The following MIS18BP1 variants were observed in gnomAD, a reference collection of about 807,000 sequenced individuals.
MIS18BP1 encodes MIS18 binding protein 1.
Under a neutral mutation model 116.1 loss-of-function variants are expected in MIS18BP1, and 72 were observed. The observed-to-expected ratio is 0.62, with a 90% CI of 0.51 to 0.75. The LOEUF (loss-of-function observed/expected upper bound fraction) is 0.75, where lower values mean the gene tolerates loss of function less well. MIS18BP1 is among the 30% of genes least tolerant of loss of function. The pLI is 0.00. For missense variants in MIS18BP1, 1,363 were observed against 1,303.2 expected (o/e 1.05, Z -0.71); for synonymous variants, 386 against 427.0 (o/e 0.90, Z 1.18).
At chr14:45,242,905 G>A (rs373441936) in intron 2 of MIS18BP1, 31 bp from the exon 3 acceptor site, 8 of 1,441,210 alleles carry the variant, frequency 5.6e-6, no homozygotes, top group Admixed American at 2.1e-5. Context: ...GAAAGAAGAA[G>A]TTGAATTGTA....
At chr14:45,209,173 T>TACAC (rs141735848) in intron 14 of MIS18BP1, among the ~76,000 whole-genome samples, 54 of 150,644 alleles carry the variant, frequency 3.6e-4, no homozygotes, top group Middle Eastern at 3.4e-3. Flanking sequence ...AAAGCAATTA[T>TACAC]ACACACACAC....
At position 45,204,126 on chromosome 14, in the gene MIS18BP1, T is replaced by A; in HGVS notation, c.3382A>T (p.Asn1128Tyr). The A allele has an allele frequency of 6.2e-7, 1 of 1,609,654 alleles. No individual in the cohort carries two copies. The highest frequency in any genetic ancestry group is 8.5e-7 in the Non-Finnish European group (1 of 1,178,472). ...DEEEKDYYFS[N>Y]SDSA is the part of the protein sequence containing the mutation. ...TCATTTTACTATGCAGAATCAGAGT[T>A]CGAAAAATAATAATCTTTCTCTTCT... Residue 1128 changes from asparagine to tyrosine, a missense_variant, in exon 17 of 17, where the codon AAC (asparagine) becomes TAC (tyrosine). Physicochemically the swap from Asn to Tyr is moderately radical, Grantham distance 143. Coordinates refer to ENST00000310806, the MANE Select transcript of MIS18BP1 (RefSeq NM_018353.5).
chr14:45,252,952 A>C (rs926457241), intron 1 of MIS18BP1, 83 bp downstream of exon 1: 1 of 152,266 alleles, frequency 6.6e-6, no homozygotes, highest in Non-Finnish European at 1.5e-5. Flanking sequence ...AAACCGCGTG[A>C]GCCGAGATGC....
intron 1 of MIS18BP1, among the ~76,000 whole-genome samples, chr14:45,249,429 C>T (rs1218970328): frequency 1.3e-5 from 2 of 152,064 alleles, no homozygotes; most frequent in African/African-American, 4.8e-5. Flanking sequence ...CTATGTTGCC[C>T]AGGTTAGTCT....
In MIS18BP1 at chr14:45,223,988, G is replaced by T. The variant is rs1307821961; in HGVS notation, c.2599C>A (p.Pro867Thr). Reference sequence around the variant, plus strand: ...ATTAAACCAGGTAAGCATTCTAAGGGATGCCTATTTGTCTTATCAGATCCT... The same window carrying T: ...ATTAAACCAGGTAAGCATTCTAAGGTATGCCTATTTGTCTTATCAGATCCT... ...AVGSDKTNRHPLECLPGLIQD... is the reference protein window; with the variant it reads ...AVGSDKTNRHTLECLPGLIQD... The change falls in exon 11 of 17, where the codon CCC becomes ACC. Residue 867 changes from proline to threonine, a missense_variant. Pro to Thr is a conservative substitution (Grantham distance 38). Transcript: ENST00000310806. 1 of 1,612,284 alleles carries T rather than the reference G, an allele frequency of 6.2e-7. No individual in the cohort carries two copies. The highest frequency in any genetic ancestry group is 1.1e-5 in the South Asian group (1 of 90,618).
chr14:45,231,026 G>T, intron 8 of MIS18BP1, 115 bp downstream of exon 8: 2 of 1,035,412 alleles, frequency 1.9e-6, no homozygotes, highest in Non-Finnish European at 1.3e-6. Context: ...GGCAGTATAA[G>T]TCAAAGAATA....
Position 45,224,139 on chromosome 14 carries a change from A to C in MIS18BP1, c.2448T>G (p.Ile816Met). Reference protein sequence around the residue: ...STRNTSNIPVILEPETEESEN... With the variant: ...STRNTSNIPVMLEPETEESEN... ...CACTTTCTTCAGTTTCAGGTTCCAA[A>C]ATCACTGGAATATTACTTGTGTTTC... is the stretch of plus-strand genomic sequence containing the variant. The change falls in exon 11 of 17, where the codon ATT (isoleucine) becomes ATG (methionine). Residue 816 changes from isoleucine (I) to methionine (M), a missense_variant. Ile to Met is a conservative substitution (Grantham distance 10). Coordinates refer to ENST00000310806, the MANE Select transcript of MIS18BP1 (RefSeq NM_018353.5). 1.2e-6 allele frequency: 2 copies of C among 1,613,358 alleles called. No individual in the cohort carries two copies. Among genetic ancestry groups the C allele is most frequent in the Non-Finnish European group, 1.7e-6 (2 of 1,179,888 alleles).
chr14:45,218,205 TATAAA>T, intron 12 of MIS18BP1, 72 bp downstream of exon 12: 1 of 1,401,252 alleles, frequency 7.1e-7, no homozygotes. Flanking sequence ...CATGGATAAA[TATAAA>T]ATATATCTGA....
chr14:45,208,340 T>TC (rs1409571050), intron 14 of MIS18BP1, among the ~76,000 whole-genome samples: 1 of 149,982 alleles, frequency 6.7e-6, no homozygotes. Context: ...GTTTTTTTTT[T>TC]TTTTTTTTTG....
rs941985143 is a variant in MIS18BP1, at chr14:45,203,201, C to A, written c.*908G>T. On this transcript the variant is annotated 3_prime_UTR_variant, in exon 17 of 17. Transcript: ENST00000310806. ...AAACAAGAAACAAATACTATAAAAG[C>A]AAACTAACTTTATTTGAATAATCTA... is the stretch of plus-strand genomic sequence containing the variant. 6.1e-4 allele frequency: 92 copies of A among 151,348 alleles called. No individual in the cohort carries two copies. Among genetic ancestry groups the A allele is most frequent in the African/African-American group, 2.2e-3 (90 of 41,182 alleles). The allele number at this position is 151,348 out of a possible 1,614,324, so 9.4% of individuals were successfully genotyped here.
At chr14:45,245,706 C>G (rs767475017) in intron 2 of MIS18BP1, among the ~76,000 whole-genome samples, 2 of 152,142 alleles carry the variant, frequency 1.3e-5, no homozygotes, top group African/African-American at 2.4e-5. Flanking sequence ...GCTGGAGTAC[C>G]CCAGGACCCA....
intron 8 of MIS18BP1, among the ~76,000 whole-genome samples, 181 bp downstream of exon 8, chr14:45,230,960 G>T (rs1045956483): frequency 6.6e-6 from 1 of 152,208 alleles, no homozygotes; most frequent in Non-Finnish European, 1.5e-5. Context: ...TCCTGACCAT[G>T]ATTAATCTGT....
chr14:45,216,478 A>C (rs981676680), intron 13 of MIS18BP1, among the ~76,000 whole-genome samples: 2 of 152,168 alleles, frequency 1.3e-5, no homozygotes, highest in Admixed American at 1.3e-4. Context: ...ATTTCTTCTT[A>C]TTCACACTTT....
In MIS18BP1 at chr14:45,224,473, C is replaced by A. The variant is rs769022581; in HGVS notation, c.2114G>T (p.Gly705Val). ...ATCTTCCTTGTTTTTACTTTTATGA[C>A]CTTCAAATGTATTTTCTAAAGTCCC... ...SMGTLENTFE[G>V]HKSKNKEDCD... The change falls in exon 11 of 17, where the codon GGT becomes GTT. Residue 705 changes from glycine (G) to valine (V), a missense_variant. Physicochemically the swap from Gly to Val is moderately radical, Grantham distance 109. Transcript: ENST00000310806. The A allele has an allele frequency of 3.1e-6, 5 of 1,613,698 alleles. No individual in the cohort carries two copies. In the Admixed American group the frequency reaches 5.0e-5, roughly 16 times the overall value.
At position 45,226,839 on chromosome 14, in the gene MIS18BP1, T is replaced by C; in HGVS notation, c.1747-3A>G. The C allele has an allele frequency of 7.4e-7, 1 of 1,359,738 alleles. No homozygotes were observed. Among genetic ancestry groups the C allele is most frequent in the East Asian group, 2.9e-5 (1 of 34,600 alleles). The allele number at this position is 1,359,738 out of a possible 1,614,324, so 84.2% of individuals were successfully genotyped here. Reference sequence around the variant, plus strand: ...TATTCTTTTTTTCCAATTAATTCCTTCAAAACAAAAAGATACCTAGGTTTT... The same window carrying C: ...TATTCTTTTTTTCCAATTAATTCCTCCAAAACAAAAAGATACCTAGGTTTT... On this transcript the variant is annotated splice_region_variant and splice_polypyrimidine_tract_variant and intron_variant, in intron 9 of 16. Transcript: ENST00000310806.
rs536141406 is a variant in MIS18BP1, at chr14:45,203,906, G to A, written c.*203C>T. The A allele has an allele frequency of 2.4e-4, 126 of 514,774 alleles. No homozygotes were observed. In the South Asian group the frequency reaches 5.8e-3, roughly 24 times the overall value. The allele number at this position is 514,774 out of a possible 1,614,324, so 31.9% of individuals were successfully genotyped here. The stretch of plus-strand genomic sequence containing the variant: ...AAAACAAATTTACAGATATCTACAC[G>A]AGCAAAAACAATTTTCTTTACATTT... On this transcript the variant is annotated 3_prime_UTR_variant, in exon 17 of 17. Coordinates refer to ENST00000310806, the MANE Select transcript of MIS18BP1 (RefSeq NM_018353.5).
At position 45,218,455 on chromosome 14, in the gene MIS18BP1, C is replaced by G; in HGVS notation, c.2670-1G>C. ...GTGCTTTGGAAGAGATGCAAAAGCACTATGGAAGATCAAAACCAATTAAAG... is the reference window on the plus strand; with the variant it reads ...GTGCTTTGGAAGAGATGCAAAAGCAGTATGGAAGATCAAAACCAATTAAAG... On this transcript the variant is annotated splice_acceptor_variant, in intron 11 of 16. Coordinates refer to ENST00000310806, the MANE Select transcript of MIS18BP1 (RefSeq NM_018353.5). LOFTEE classifies it high-confidence loss of function. The G allele has an allele frequency of 6.3e-7, 1 of 1,590,410 alleles. No individual in the cohort carries two copies. Among genetic ancestry groups the G allele is most frequent in the Non-Finnish European group, 8.5e-7 (1 of 1,174,004 alleles).
Position 45,246,987 on chromosome 14 carries a change from A to T in MIS18BP1, c.300T>A (p.Asp100Glu), listed in dbSNP as rs1316370611. 8.1e-6 allele frequency: 13 copies of T among 1,611,750 alleles called. No individual in the cohort carries two copies. Among genetic ancestry groups the T allele is most frequent in the Non-Finnish European group, 1.1e-5 (13 of 1,179,526 alleles). The change falls in exon 2 of 17, where the codon GAT becomes GAA. Residue 100 changes from aspartate to glutamate, a missense_variant. Asp to Glu is a conservative substitution (Grantham distance 45). Coordinates refer to ENST00000310806, the MANE Select transcript of MIS18BP1 (RefSeq NM_018353.5). ...LDISAIKPNK[D>E]GLKNKANYES... ...CATAGTTTGCTTTATTTTTTAATCC[A>T]TCCTTGTTGGGCTTTATAGCACTGA... is the stretch of plus-strand genomic sequence containing the variant.
At chr14:45,241,965 T>C (rs1220726974) in intron 4 of MIS18BP1, 69 bp downstream of exon 4, 34 of 1,475,190 alleles carry the variant, frequency 2.3e-5, no homozygotes, top group African/African-American at 2.8e-5. Context: ...TGAGAGAACA[T>C]TAAAAGCTCA....
Sources: allele counts gnomAD v4.1 joint callset (sites outside exome capture counted in the v4.1 genomes callset), GRCh38; gene constraint gnomAD v4.1.1; transcripts MANE v1.5; gene names NCBI Gene and HGNC (gene_info 2026-07-23, HGNC 2026-07-21).